Variants in DARS1 observed in about 807,000 individuals in gnomAD.
DARS1 encodes aspartyl-tRNA synthetase 1, also known as aspartate--tRNA ligase, cytoplasmic.
In DARS1, 51 loss-of-function variants were observed where a neutral mutation model predicts 68.8. The ratio of observed to expected loss-of-function variants is 0.74; its 90% CI spans 0.59 to 0.94. The LOEUF is 0.94. DARS1 is among the 40% of genes least tolerant of loss of function. The pLI, the probability that DARS1 is intolerant of heterozygous loss-of-function variation, is 0.00. For missense variants in DARS1, 607 were observed against 597.3 expected (o/e 1.02, Z -0.17); for synonymous variants, 203 against 190.4 (o/e 1.07, Z -0.55).
chr2:135,911,164 G>C lies in DARS1; in HGVS notation c.1389C>G (p.Ala463=). ...KAYIDSFRFG[A]PPHAGGGIGL... ...CAATGCCTCCACCAGCATGAGGAGG[G>C]GCTCCAAAGCGGAAGGAATCAATGT... The change falls in exon 15 of 16, where the codon GCC becomes GCG. Residue 463 remains alanine, a synonymous_variant. Coordinates refer to ENST00000264161, the MANE Select transcript of DARS1 (RefSeq NM_001349.4). 6.5e-7 allele frequency: 1 copy of C among 1,535,014 alleles called. No homozygotes were observed. The highest frequency in any genetic ancestry group is 9.0e-7 in the Non-Finnish European group (1 of 1,108,458).
At chr2:135,924,550 A>G in intron 7 of DARS1, 52 bp from the exon 8 acceptor site, 1 of 1,569,058 alleles carries the variant, frequency 6.4e-7, no homozygotes, top group Non-Finnish European at 8.6e-7. Context: ...ATTACTAAGC[A>G]CTAACTCTGT....
At chr2:135,968,358 C>CA (rs1445633569) in intron 3 of DARS1, among the ~76,000 whole-genome samples, 2 of 152,200 alleles carry the variant, frequency 1.3e-5, no homozygotes, top group African/African-American at 4.8e-5. Flanking sequence ...TTGCTTGTAA[C>CA]AGAGTATCTG....
intron 7 of DARS1, among the ~76,000 whole-genome samples, chr2:135,925,618 A>G (rs1275622086): frequency 6.6e-6 from 1 of 152,252 alleles, no homozygotes; most frequent in Non-Finnish European, 1.5e-5. Context: ...ACTTACATTC[A>G]AAGTTACAAA....
At position 135,932,845 on chromosome 2, in the gene DARS1, A is replaced by G; in HGVS notation, c.505-3T>C. The G allele has an allele frequency of 2.1e-5, 3 of 141,172 alleles. No homozygotes were observed. The highest frequency in any genetic ancestry group is 2.5e-5 in the Non-Finnish European group (3 of 117,886). The allele number at this position is 141,172 out of a possible 1,614,324, so 8.7% of individuals were successfully genotyped here. On this transcript the variant is annotated splice_polypyrimidine_tract_variant and splice_region_variant and intron_variant, in intron 6 of 15. Coordinates refer to ENST00000264161, the MANE Select transcript of DARS1 (RefSeq NM_001349.4). ...TGGTTAACAGTAGCTCTTCCTTCCT[A>G]AAAAAAAAAAAAAAGAAAAGAAAAA...
At chr2:135,965,964 T>C (rs1235175232) in intron 3 of DARS1, among the ~76,000 whole-genome samples, 1 of 152,184 alleles carries the variant, frequency 6.6e-6, no homozygotes. Context: ...TGTCATGTAT[T>C]AGGAAACAAA....
chr2:135,966,964 G>A lies in DARS1; in HGVS notation c.218-5466C>T, dbSNP rs186250542. 1.9e-4 allele frequency among the ~76,000 whole-genome samples: 29 copies of A among 152,180 alleles called. No individual in the cohort carries two copies. The East Asian group carries it at 3.1e-3, about 16-fold the overall frequency. The stretch of plus-strand genomic sequence containing the variant: ...AATGTAAAGTCAGAAATTTTTTATC[G>A]TGAAGTCTTTATTTCTGAGCTGAAG... On this transcript the variant is annotated intron_variant, in intron 3 of 15. Coordinates refer to ENST00000264161, the MANE Select transcript of DARS1 (RefSeq NM_001349.4).
intron 3 of DARS1, among the ~76,000 whole-genome samples, chr2:135,976,863 A>AT (rs1461171370): frequency 2.0e-5 from 3 of 151,900 alleles, no homozygotes; most frequent in Non-Finnish European, 4.4e-5. Context: ...CAACCTGTAT[A>AT]TTTTTTCACT....
chr2:135,970,408 A>C (rs949706425), intron 3 of DARS1, among the ~76,000 whole-genome samples: 1 of 152,116 alleles, frequency 6.6e-6, no homozygotes, highest in African/African-American at 2.4e-5. Flanking sequence ...CAATGAAGAA[A>C]TTAAGGAAAT....
Position 135,907,093 on chromosome 2 carries a change from A to C in DARS1, c.*223T>G, listed in dbSNP as rs1008021941. The C allele has an allele frequency of 6.3e-6, 2 of 315,566 alleles. No homozygotes were observed. The highest frequency in any genetic ancestry group is 2.2e-5 in the African/African-American group (1 of 45,736). 19.5% of individuals were successfully genotyped at this position (315,566 alleles called of 1,614,324 possible). A position where few individuals can be genotyped will look rare whatever the true frequency, so the allele number is the denominator to read the frequency against. On this transcript the variant is annotated 3_prime_UTR_variant, in exon 16 of 16. Coordinates refer to ENST00000264161, the MANE Select transcript of DARS1 (RefSeq NM_001349.4). The stretch of plus-strand genomic sequence containing the variant: ...CTACTGATGCATGTCTGAAGTTATA[A>C]AAATCTCTTTTAAACGAACCTATAC...
At chr2:135,914,193 AC>A (rs1680954728) in intron 12 of DARS1, among the ~76,000 whole-genome samples, 1 of 152,222 alleles carries the variant, frequency 6.6e-6, no homozygotes, top group African/African-American at 2.4e-5. Context: ...GTCATTTCCA[AC>A]TAATCCGACA....
At chr2:135,980,169 T>C (rs1482678609) in intron 2 of DARS1, among the ~76,000 whole-genome samples, 1 of 152,190 alleles carries the variant, frequency 6.6e-6, no homozygotes, top group Non-Finnish European at 1.5e-5. Context: ...GCCCCAACTA[T>C]TATGCTCCTA....
intron 7 of DARS1, among the ~76,000 whole-genome samples, chr2:135,927,154 C>T (rs567216465): frequency 1.3e-5 from 2 of 152,258 alleles, no homozygotes; most frequent in South Asian, 4.1e-4. Context: ...CAACTGACTT[C>T]TACACGTGTG....
chr2:135,933,950 T>TG lies in DARS1; in HGVS notation c.463dup (p.Gln155ProfsTer4), dbSNP rs1177886973. ...CTCAGGCCGAACAGCATCATCCAGC[T>TG]GCAGGGGCAGACGGGGTTCAGCCAA... On this transcript the variant is annotated frameshift_variant, in exon 6 of 16. Coordinates refer to ENST00000264161, the MANE Select transcript of DARS1 (RefSeq NM_001349.4). LOFTEE classifies it high-confidence loss of function. The TG allele has an allele frequency of 1.2e-5, 20 of 1,613,746 alleles. No homozygotes were observed. The highest frequency in any genetic ancestry group is 1.7e-5 in the Non-Finnish European group (20 of 1,179,798).
intron 4 of DARS1, among the ~76,000 whole-genome samples, chr2:135,960,309 G>A (rs545020805): frequency 1.3e-5 from 2 of 152,274 alleles, no homozygotes; most frequent in Admixed American, 1.3e-4. Flanking sequence ...TCCGAGTGCA[G>A]GTATTACTAT....
chr2:135,932,605 T>C (rs963977029), intron 7 of DARS1, among the ~76,000 whole-genome samples, 178 bp downstream of exon 7: 1 of 152,214 alleles, frequency 6.6e-6, no homozygotes, highest in African/African-American at 2.4e-5. Context: ...TAACCGCTCC[T>C]GTTGCCTGCA....
At chr2:135,970,236 T>C (rs1286667231) in intron 3 of DARS1, among the ~76,000 whole-genome samples, 1 of 113,976 alleles carries the variant, frequency 8.8e-6, no homozygotes, top group East Asian at 2.4e-4. Flanking sequence ...CTGGGCAACA[T>C]AGTGAGACCC....
At chr2:135,963,684 CT>C (rs34142242) in intron 3 of DARS1, among the ~76,000 whole-genome samples, 1,528 of 113,210 alleles carry the variant, frequency 0.013, 14 homozygotes, top group African/African-American at 0.038. Flanking sequence ...TTAATGACTT[CT>C]TTTTTTTTTT....
intron 5 of DARS1, among the ~76,000 whole-genome samples, chr2:135,940,231 C>G (rs1039726513): frequency 6.6e-6 from 1 of 152,152 alleles, no homozygotes; most frequent in Non-Finnish European, 1.5e-5. Context: ...GACCAATATC[C>G]CTGATGAACA....
At chr2:135,973,633 T>C (rs947660874) in intron 3 of DARS1, among the ~76,000 whole-genome samples, 12 of 152,086 alleles carry the variant, frequency 7.9e-5, no homozygotes, top group South Asian at 2.1e-4. Flanking sequence ...GGTGGATAGA[T>C]AGCTTGAGCT....
Sources: allele counts gnomAD v4.1 joint callset (sites outside exome capture counted in the v4.1 genomes callset), GRCh38; gene constraint gnomAD v4.1.1; transcripts MANE v1.5; gene names NCBI Gene and HGNC (gene_info 2026-07-23, HGNC 2026-07-21).